The following OPHN1 variants were observed in gnomAD, a reference collection of about 807,000 sequenced individuals.
OPHN1 encodes the protein oligophrenin 1, also known as oligophrenin-1.
A neutral mutation model predicts 60.7 loss-of-function variants in OPHN1; 11 were observed. The observed-to-expected ratio is 0.18, with a 90% CI of 0.11 to 0.30. The LOEUF (loss-of-function observed/expected upper bound fraction) is 0.30, where lower values mean the gene tolerates loss of function less well. Ranked by LOEUF, OPHN1 falls within the 10% of genes least tolerant of loss-of-function variation. The probability of loss-of-function intolerance (pLI) is 1.00; values close to 1 mark genes in which losing one functional copy is unlikely to be tolerated. For synonymous variants in OPHN1, 226 were observed against 222.6 expected (o/e 1.02, Z -0.14); for missense variants, 449 against 611.0 (o/e 0.73, Z 2.80).
At chrX:68,379,046 T>G (rs1296793725) in intron 2 of OPHN1, among the ~76,000 whole-genome samples, 1 of 111,065 alleles carries the variant, frequency 9.0e-6, no homozygotes, top group East Asian at 2.8e-4. Context: ...TTCACGATAT[T>G]GATTCTTCCT....
intron 18 of OPHN1, among the ~76,000 whole-genome samples, chrX:68,107,121 A>G (rs1344177792): frequency 8.9e-6 from 1 of 111,980 alleles, no homozygotes; most frequent in Non-Finnish European, 1.9e-5. Flanking sequence ...CCACAATAAC[A>G]TGTTTGCATC....
chrX:68,126,373 A>C (rs1486725371), intron 15 of OPHN1, among the ~76,000 whole-genome samples: 1 of 111,387 alleles, frequency 9.0e-6, no homozygotes, highest in African/African-American at 3.3e-5. Context: ...GTCTACATTT[A>C]TCTGACTAGA....
chrX:68,067,099 T>C (rs1370355468), intron 20 of OPHN1, among the ~76,000 whole-genome samples: 1 of 111,517 alleles, frequency 9.0e-6, no homozygotes, highest in Admixed American at 9.5e-5. Flanking sequence ...TAGAAATAAA[T>C]CAATTATTAT....
chrX:68,136,549 C>T (rs1377045676), intron 15 of OPHN1, among the ~76,000 whole-genome samples: 4 of 110,503 alleles, frequency 3.6e-5, no homozygotes, highest in African/African-American at 9.9e-5. Flanking sequence ...GTGATCCGCC[C>T]GCCTCAGCCT....
chrX:68,311,981 T>C, intron 2 of OPHN1, among the ~76,000 whole-genome samples: 1 of 111,564 alleles, frequency 9.0e-6, no homozygotes, highest in Non-Finnish European at 1.9e-5. Context: ...AAACAAATGT[T>C]AATACATTTT....
At chrX:68,328,124 C>T (rs1411411953) in intron 2 of OPHN1, among the ~76,000 whole-genome samples, 2 of 92,828 alleles carry the variant, frequency 2.2e-5, no homozygotes, top group Non-Finnish European at 4.1e-5. Flanking sequence ...CCACCGCGCC[C>T]GGCCAAACTT....
chrX:68,251,849 G>T (rs1321835866), intron 5 of OPHN1, among the ~76,000 whole-genome samples: 6 of 111,466 alleles, frequency 5.4e-5, no homozygotes, highest in Admixed American at 4.8e-4. Flanking sequence ...TTCAGCCAAG[G>T]CATGGCAGAT....
intron 3 of OPHN1, among the ~76,000 whole-genome samples, chrX:68,296,826 G>A (rs753192403): frequency 9.1e-6 from 1 of 109,995 alleles, no homozygotes; most frequent in African/African-American, 3.3e-5. Flanking sequence ...AAGCAGCAAA[G>A]ATGTCATAAT....
chrX:68,274,830 A>C (rs1398903103), intron 4 of OPHN1, 21 bp from the exon 5 acceptor site: 3 of 1,130,401 alleles, frequency 2.7e-6, no homozygotes, highest in Non-Finnish European at 3.6e-6. Flanking sequence ...AGGAAAAACA[A>C]ACAAAACAAT....
At chrX:68,324,627 A>T (rs1387388157) in intron 2 of OPHN1, among the ~76,000 whole-genome samples, 1 of 108,377 alleles carries the variant, frequency 9.2e-6, no homozygotes, top group Admixed American at 1.0e-4. Flanking sequence ...AAAAAAAAAA[A>T]ATCTAAAAAT....
At chrX:68,181,121 TA>T (rs959973860) in intron 15 of OPHN1, among the ~76,000 whole-genome samples, 4 of 111,527 alleles carry the variant, frequency 3.6e-5, no homozygotes, top group African/African-American at 1.3e-4. Flanking sequence ...TCTGAAAGGT[TA>T]TTAAGACAAT....
intron 4 of OPHN1, among the ~76,000 whole-genome samples, chrX:68,279,101 CTTTTTTTTTTTTTTTTTT>C (rs984725368): frequency 0.14 from 3,089 of 22,056 alleles, 106 homozygotes; most frequent in African/African-American, 0.17. Context: ...CTCCCCCGCT[CTTTTTTTTTTTTTTTTTT>C]TTTTTTTTTT....
At chrX:68,383,843 T>C (rs2078610566) in intron 2 of OPHN1, among the ~76,000 whole-genome samples, 1 of 110,239 alleles carries the variant, frequency 9.1e-6, no homozygotes, top group Non-Finnish European at 1.9e-5. Flanking sequence ...CTGTTCCCTG[T>C]TTATATCTTT....
intron 2 of OPHN1, among the ~76,000 whole-genome samples, chrX:68,396,848 T>C (rs143842820): frequency 9.0e-5 from 10 of 111,325 alleles, no homozygotes; most frequent in African/African-American, 3.3e-4. Flanking sequence ...AACTAATGAG[T>C]ATCCTGCTGT....
chrX:68,305,330 T>C (rs1156266160), intron 2 of OPHN1, among the ~76,000 whole-genome samples: 1 of 112,318 alleles, frequency 8.9e-6, no homozygotes, highest in African/African-American at 3.2e-5. Context: ...ATCATACCAC[T>C]GCACTGAAGC....
intron 18 of OPHN1, among the ~76,000 whole-genome samples, chrX:68,100,717 G>A (rs1053246000): frequency 3.6e-5 from 4 of 110,710 alleles, no homozygotes; most frequent in Non-Finnish European, 7.6e-5. Context: ...CCCAAGGATG[G>A]TGCCTTTTTT....
intron 5 of OPHN1, among the ~76,000 whole-genome samples, chrX:68,266,329 C>T (rs1014905935): frequency 8.9e-6 from 1 of 111,910 alleles, no homozygotes; most frequent in Non-Finnish European, 1.9e-5. Flanking sequence ...CAGCTGATCG[C>T]TCGGCAGAAA....
At position 68,141,492 on chromosome X, in the gene OPHN1, C is replaced by T. The variant is rs988946930; in HGVS notation, c.1277-22160G>A. 3.6e-5 allele frequency among the ~76,000 whole-genome samples: 4 copies of T among 111,499 alleles called. No individual in the cohort carries two copies. The East Asian group carries it at 8.4e-4, about 23-fold the overall frequency. ...AATGTGATGTTTATGTTCACTTAGGCAGGCCCTTCCCAACTAGGTCTATAG... is the reference window on the plus strand; with the variant it reads ...AATGTGATGTTTATGTTCACTTAGGTAGGCCCTTCCCAACTAGGTCTATAG... On this transcript the variant is annotated intron_variant, in intron 15 of 24. Coordinates refer to ENST00000355520, the MANE Select transcript of OPHN1 (RefSeq NM_002547.3).
At chrX:68,092,854 T>C (rs1180878731) in intron 19 of OPHN1, among the ~76,000 whole-genome samples, 4 of 111,172 alleles carry the variant, frequency 3.6e-5, no homozygotes, top group African/African-American at 1.3e-4. Flanking sequence ...AGAAAAATTA[T>C]TTTGTTATAC....
Sources: gnomAD v4.1 joint callset for allele counts (sites outside exome capture counted in the v4.1 genomes callset) on GRCh38, gnomAD v4.1.1 for gene constraint, MANE v1.5 for transcripts, NCBI Gene and HGNC (gene_info 2026-07-23, HGNC 2026-07-21) for gene names.